RASA3: variants seen among roughly 807,000 people sequenced by gnomAD.
RASA3 encodes RAS p21 protein activator 3.
A neutral mutation model predicts 110.0 loss-of-function variants in RASA3; 73 were observed. That is an observed-to-expected ratio of 0.66 (90% CI 0.55 to 0.81). The LOEUF (loss-of-function observed/expected upper bound fraction) is 0.81. Ranked by LOEUF, RASA3 falls within the 30% of genes least tolerant of loss-of-function variation. The pLI is 0.00. For synonymous variants in RASA3, 500 were observed against 451.4 expected, an observed-to-expected ratio of 1.11 and a Z score of -1.37; for missense variants, 976 against 1,113.2, an observed-to-expected ratio of 0.88 and a Z score of 1.75.
In RASA3 at chr13:114,001,142, G is replaced by A. The variant is rs555661224; in HGVS notation, c.1743-210C>T. Among the ~76,000 whole-genome samples the A allele has an allele frequency of 2.6e-5, 4 of 152,384 alleles. No homozygotes were observed. In the South Asian group the frequency reaches 8.3e-4, roughly 32 times the overall value. Reference sequence around the variant, plus strand: ...GAGCGCTGACTGCTTTGAGTCACCAGTTGGTGATGGCACCAGGTTTTAGGA... The same window carrying A: ...GAGCGCTGACTGCTTTGAGTCACCAATTGGTGATGGCACCAGGTTTTAGGA... On this transcript the variant is annotated intron_variant, in intron 18 of 23. Coordinates refer to ENST00000334062, the MANE Select transcript of RASA3 (RefSeq NM_007368.4).
Position 114,106,697 on chromosome 13 carries a change from A to T in RASA3, c.55+25738T>A, listed in dbSNP as rs1044887786. The stretch of plus-strand genomic sequence containing the variant: ...GGCTCTGTCTGAACTGATCACCACC[A>T]CTGCTTTATTAATTGTTTTTGGCTT... On this transcript the variant is annotated intron_variant, in intron 1 of 23. Coordinates refer to ENST00000334062, the MANE Select transcript of RASA3 (RefSeq NM_007368.4). Among the ~76,000 whole-genome samples the T allele has an allele frequency of 2.0e-5, 3 of 152,164 alleles. No homozygotes were observed. In the East Asian group the frequency reaches 5.8e-4, roughly 29 times the overall value.
chr13:114,130,317 C>T (rs1477407006), intron 1 of RASA3, among the ~76,000 whole-genome samples: 2 of 152,198 alleles, frequency 1.3e-5, no homozygotes, highest in East Asian at 3.9e-4. Flanking sequence ...TCCAGAGAGT[C>T]GGGCAGCTGG....
At chr13:114,083,556 G>A (rs1358794329) in intron 1 of RASA3, among the ~76,000 whole-genome samples, 6 of 139,046 alleles carry the variant, frequency 4.3e-5, no homozygotes, top group African/African-American at 1.3e-4. Flanking sequence ...GGGAAATCAC[G>A]GGGAAGTGGT....
intron 2 of RASA3, among the ~76,000 whole-genome samples, chr13:114,062,053 G>C (rs1270785499): frequency 1.3e-5 from 2 of 152,128 alleles, no homozygotes; most frequent in Admixed American, 1.3e-4. Flanking sequence ...TCCACGTCTG[G>C]GGTCTGCAGG....
chr13:114,020,530 C>A (rs2053903815), intron 9 of RASA3, among the ~76,000 whole-genome samples: 1 of 152,216 alleles, frequency 6.6e-6, no homozygotes. Context: ...TCACACATGG[C>A]AGAGGGACAC....
rs746902391 is a variant in RASA3, at chr13:114,096,364, C to T, written c.56-22527G>A. Among the ~76,000 whole-genome samples the T allele has an allele frequency of 4.3e-4, 65 of 152,320 alleles. No homozygotes were observed. The highest frequency in any genetic ancestry group is 1.9e-3 in the South Asian group (9 of 4,830). ...ACAGTCACCTCAACAGCATCTCAGC[C>T]GTTGTCCGACACTGGGTGATTCTGC... On this transcript the variant is annotated intron_variant, in intron 1 of 23. Coordinates refer to ENST00000334062, the MANE Select transcript of RASA3 (RefSeq NM_007368.4). This position sits in a 1 kb window ranked among gnomAD's most constrained non-coding sequence, Gnocchi z 5.1.
intron 3 of RASA3, among the ~76,000 whole-genome samples, chr13:114,043,508 G>A (rs1026668559): frequency 1.3e-5 from 2 of 152,130 alleles, no homozygotes; most frequent in African/African-American, 2.4e-5. Flanking sequence ...CTACCCGGAC[G>A]TAGATACAGC....
At position 114,014,036 on chromosome 13, in the gene RASA3, C is replaced by G. The variant is rs1454511234; in HGVS notation, c.1406-788G>C. 8.0e-6 allele frequency among the ~76,000 whole-genome samples: 1 copy of G among 124,458 alleles called. No homozygotes were observed. Among genetic ancestry groups the G allele is most frequent in the Non-Finnish European group, 1.9e-5 (1 of 52,114 alleles). 81.6% of individuals were successfully genotyped at this position (124,458 alleles called of 152,430 possible). On this transcript the variant is annotated intron_variant, in intron 14 of 23. Coordinates refer to ENST00000334062, the MANE Select transcript of RASA3 (RefSeq NM_007368.4). This position sits in a 1 kb window ranked among gnomAD's most constrained non-coding sequence, Gnocchi z 4.5. ...TCTCTCTCCATCTCTCTCTCTCCGT[C>G]TCTATCTCTCTCTCCGTCTGTCTCT... is the stretch of plus-strand genomic sequence containing the variant.
intron 1 of RASA3, among the ~76,000 whole-genome samples, chr13:114,121,583 C>T (rs563848951): frequency 7.2e-5 from 11 of 152,278 alleles, no homozygotes; most frequent in Admixed American, 4.6e-4. Context: ...AGGAGACCTC[C>T]GAGGAACATA....
At chr13:114,032,126 A>G (rs1194336059) in intron 4 of RASA3, among the ~76,000 whole-genome samples, 1 of 152,206 alleles carries the variant, frequency 6.6e-6, no homozygotes, top group Non-Finnish European at 1.5e-5. Context: ...GCATCTTAAC[A>G]TATGTCCCTA....
At chr13:113,996,172 C>A (rs1333358366) in intron 21 of RASA3, among the ~76,000 whole-genome samples, 1 of 152,096 alleles carries the variant, frequency 6.6e-6, no homozygotes, top group African/African-American at 2.4e-5. Flanking sequence ...GTGTCCTGGG[C>A]CAGACGAAGC....
chr13:114,056,587 G>C lies in RASA3; in HGVS notation c.174-4432C>G, dbSNP rs911218227. 2.0e-6 allele frequency: 2 copies of C among 983,882 alleles called. No homozygotes were observed. Among genetic ancestry groups the C allele is most frequent in the African/African-American group, 3.5e-5 (2 of 56,706 alleles). 60.9% of individuals were successfully genotyped at this position (983,882 alleles called of 1,614,324 possible). Reference sequence around the variant, plus strand: ...CTGTAACTCTGCTTGGCAGTGGGGGGCTCGGTGGGGGGAGGCCCGTGCTGG... The same window carrying C: ...CTGTAACTCTGCTTGGCAGTGGGGGCCTCGGTGGGGGGAGGCCCGTGCTGG... On this transcript the variant is annotated intron_variant, in intron 2 of 23. Coordinates refer to ENST00000334062, the MANE Select transcript of RASA3 (RefSeq NM_007368.4). The surrounding 1 kb of genome is among the most constrained non-coding windows in gnomAD (Gnocchi z 5.7).
At chr13:113,991,470 C>T (rs367654453) in intron 22 of RASA3, among the ~76,000 whole-genome samples, 26 of 152,342 alleles carry the variant, frequency 1.7e-4, no homozygotes, top group African/African-American at 5.5e-4. Flanking sequence ...ATATGATCTC[C>T]AAGAGCAGAT....
At chr13:114,045,901 A>G (rs1594382030) in intron 3 of RASA3, among the ~76,000 whole-genome samples, 1 of 149,964 alleles carries the variant, frequency 6.7e-6, no homozygotes, top group African/African-American at 2.5e-5. Context: ...CTGAAAACAC[A>G]TCACAAAACA....
In RASA3 at chr13:113,981,690, G is replaced by A. The variant is rs1176083315; in HGVS notation, c.2414C>T (p.Thr805Met). Residue 805 changes from threonine (T) to methionine (M), a missense_variant, in exon 23 of 24, where the codon ACG (threonine) becomes ATG (methionine). Physicochemically the swap from Thr to Met is moderately conservative, Grantham distance 81. Around this residue, in one of 4 missense-constraint regions of RASA3, gnomAD observed 132 missense variants for 152.8 expected, o/e 0.86. Coordinates refer to ENST00000334062, the MANE Select transcript of RASA3 (RefSeq NM_007368.4). ...AQYKRDKFKK[T>M]KYGSQEHPIG... The stretch of plus-strand genomic sequence containing the variant: ...TGGCACTCACTGGCTTCCATATTTC[G>A]TCTTCTTGAACTTGTCCCTCTTATA... The A allele has an allele frequency of 1.2e-5, 20 of 1,613,710 alleles. No individual in the cohort carries two copies. The highest frequency in any genetic ancestry group is 2.7e-5 in the African/African-American group (2 of 74,904).
At chr13:114,068,669 A>T (rs2139648838) in intron 2 of RASA3, among the ~76,000 whole-genome samples, 1 of 152,186 alleles carries the variant, frequency 6.6e-6, no homozygotes, top group South Asian at 2.1e-4. Flanking sequence ...CTGCCAACCC[A>T]ATTTCAGGGA....
chr13:114,105,586 C>T (rs1383966612), intron 1 of RASA3, among the ~76,000 whole-genome samples: 1 of 152,190 alleles, frequency 6.6e-6, no homozygotes, highest in Non-Finnish European at 1.5e-5. Context: ...CTGACAAGGC[C>T]ACAGGCACAT....
At chr13:114,064,096 T>G (rs2079406291) in intron 2 of RASA3, among the ~76,000 whole-genome samples, 1 of 152,154 alleles carries the variant, frequency 6.6e-6, no homozygotes. Context: ...TTTTTTGAAC[T>G]AAAAAAACCC....
chr13:114,022,570 C>T (rs143664857), intron 8 of RASA3, among the ~76,000 whole-genome samples: 78 of 152,296 alleles, frequency 5.1e-4, no homozygotes, highest in Admixed American at 1.0e-3. Context: ...GCGAATCCTG[C>T]AGGGAAGTGG....
Sources: gnomAD v4.1 joint callset for allele counts (sites outside exome capture counted in the v4.1 genomes callset) on GRCh38, gnomAD v4.1.1 for gene constraint, gnomAD v4.1.1 regional missense constraint, Gnocchi (gnomAD v3.1) non-coding constraint, MANE v1.5 for transcripts, NCBI Gene and HGNC (gene_info 2026-07-23, HGNC 2026-07-21) for gene names.